The following DHRSX variants were observed in gnomAD, a reference collection of about 807,000 sequenced individuals.
DHRSX encodes dehydrogenase/reductase X-linked, also known as polyprenol dehydrogenase.
Under a neutral mutation model 34.0 loss-of-function variants are expected in DHRSX, and 31 were observed. The observed-to-expected ratio is 0.91, with a 90% CI of 0.69 to 1.23. The LOEUF (loss-of-function observed/expected upper bound fraction) is 1.23, where lower values mean the gene tolerates loss of function less well. Among genes scored for constraint, DHRSX ranks in the 50% most tolerant of loss-of-function variants. The pLI, the probability that DHRSX is intolerant of heterozygous loss-of-function variation, is 0.00. For synonymous variants in DHRSX, 201 were observed against 183.8 expected, an observed-to-expected ratio of 1.09 and a Z score of -0.76; for missense variants, 414 against 428.1, an observed-to-expected ratio of 0.97 and a Z score of 0.29.
At position 2,291,565 on chromosome X, in the gene DHRSX, T is replaced by G. The variant is rs762714537; in HGVS notation, c.325A>C (p.Ile109Leu). The G allele has an allele frequency of 6.2e-7, 1 of 1,613,918 alleles. No homozygotes were observed. Residue 109 changes from isoleucine to leucine, a missense_variant, in exon 4 of 7, where the codon ATC (isoleucine) becomes CTC (leucine). Physicochemically the swap from Ile to Leu is conservative, Grantham distance 5. Transcript: ENST00000334651. ...TTGAACTTCTGCACAAACTGCCGGATGGAAGTCATGGAAGCCAAGTCACAG... is the reference window on the plus strand; with the variant it reads ...TTGAACTTCTGCACAAACTGCCGGAGGGAAGTCATGGAAGCCAAGTCACAG... ...LYCDLASMTSIRQFVQKFKMK... is the reference protein window; with the variant it reads ...LYCDLASMTSLRQFVQKFKMK...
chrX:2,481,898 T>C (rs1056674729), intron 1 of DHRSX, among the ~76,000 whole-genome samples: 14 of 152,072 alleles, frequency 9.2e-5, no homozygotes, highest in African/African-American at 3.1e-4. Flanking sequence ...ACTCCAAAAA[T>C]AGCCCAGCTG....
chrX:2,335,426 T>C (rs2042545613), intron 3 of DHRSX, among the ~76,000 whole-genome samples: 1 of 149,938 alleles, frequency 6.7e-6, no homozygotes, highest in Non-Finnish European at 1.5e-5. Flanking sequence ...AAGAGACAAA[T>C]GGTTGCATTC....
chrX:2,480,157 T>C (rs1002907733), intron 1 of DHRSX, among the ~76,000 whole-genome samples: 3 of 151,826 alleles, frequency 2.0e-5, no homozygotes, highest in Non-Finnish European at 4.4e-5. Flanking sequence ...AAATGTGGCA[T>C]AGACACACAA....
chrX:2,437,494 C>T (rs1289378374), intron 1 of DHRSX, among the ~76,000 whole-genome samples: 3 of 151,870 alleles, frequency 2.0e-5, no homozygotes, highest in African/African-American at 7.3e-5. Flanking sequence ...GTCCCAGCTA[C>T]TCAGGAGGCT....
chrX:2,323,539 G>C (rs1462581513), intron 3 of DHRSX, among the ~76,000 whole-genome samples: 2 of 152,124 alleles, frequency 1.3e-5, no homozygotes, highest in Non-Finnish European at 2.9e-5. Context: ...CAGGTGAGAA[G>C]ACTGCTGGAG....
At chrX:2,346,558 T>G (rs1287826468) in intron 3 of DHRSX, among the ~76,000 whole-genome samples, 1 of 152,070 alleles carries the variant, frequency 6.6e-6, no homozygotes, top group Non-Finnish European at 1.5e-5. Flanking sequence ...CATAGCTTCT[T>G]CTCACAGCAA....
intron 5 of DHRSX, among the ~76,000 whole-genome samples, chrX:2,260,053 G>A (rs765401102): frequency 5.9e-5 from 9 of 151,650 alleles, no homozygotes; most frequent in East Asian, 3.9e-4. Flanking sequence ...GGCCCTTCCT[G>A]CCTCTCCCAG....
At chrX:2,286,817 C>T (rs890349123) in intron 4 of DHRSX, among the ~76,000 whole-genome samples, 3 of 152,158 alleles carry the variant, frequency 2.0e-5, no homozygotes, top group African/African-American at 7.2e-5. Context: ...CCTGAGCAAC[C>T]TCTTGAAAGA....
chrX:2,425,151 A>AAC (rs2043827026), intron 2 of DHRSX, 46 bp downstream of exon 2: 2 of 1,508,570 alleles, frequency 1.3e-6, no homozygotes, highest in African/African-American at 1.4e-5. Flanking sequence ...AGAAAAAAAA[A>AAC]AAAACCGAAA....
At position 2,254,080 on chromosome X, in the gene DHRSX, G is replaced by A. The variant is rs1439430650; in HGVS notation, c.597-10850C>T. ...GTCTCAAAAAAAAACAAAAAGAAAG[G>A]AGCCCTTTATAAGTTATTGTGATGG... On this transcript the variant is annotated intron_variant, in intron 5 of 6. Coordinates refer to ENST00000334651, the MANE Select transcript of DHRSX (RefSeq NM_145177.3). 2.0e-5 allele frequency among the ~76,000 whole-genome samples: 3 copies of A among 151,742 alleles called. No individual in the cohort carries two copies. The East Asian group carries it at 5.8e-4, about 29-fold the overall frequency.
intron 3 of DHRSX, among the ~76,000 whole-genome samples, chrX:2,345,890 C>A (rs2042702999): frequency 6.6e-6 from 1 of 152,102 alleles, no homozygotes; most frequent in Non-Finnish European, 1.5e-5. Context: ...GACTTGCCAG[C>A]CTCCATCACC....
At chrX:2,373,094 T>C (rs955154679) in intron 3 of DHRSX, among the ~76,000 whole-genome samples, 2 of 152,300 alleles carry the variant, frequency 1.3e-5, no homozygotes, top group Middle Eastern at 6.8e-3. Context: ...ACGAAAACCA[T>C]ATCTTCCACG....
chrX:2,490,326 C>T, intron 1 of DHRSX: 2 of 1,613,238 alleles, frequency 1.2e-6, no homozygotes, highest in South Asian at 1.1e-5. Context: ...CAGATGAGGC[C>T]CAGCACGGCG....
At chrX:2,474,547 T>TGTGGCCCAAGG (rs2044644771) in intron 1 of DHRSX, among the ~76,000 whole-genome samples, 1 of 151,244 alleles carries the variant, frequency 6.6e-6, no homozygotes, top group Non-Finnish European at 1.5e-5. Flanking sequence ...TCCTTAAGCA[T>TGTGGCCCAAGG]GTGGCCCAAG....
chrX:2,488,506 C>T, intron 1 of DHRSX: 1 of 1,244,148 alleles, frequency 8.0e-7, no homozygotes, highest in South Asian at 1.6e-5. Flanking sequence ...TTTCCTTTTT[C>T]CACCTTCTAG....
intron 1 of DHRSX, among the ~76,000 whole-genome samples, chrX:2,474,874 G>C (rs1032771844): frequency 7.3e-5 from 11 of 150,630 alleles, no homozygotes; most frequent in Non-Finnish European, 1.6e-4. Flanking sequence ...CACTTAAGAC[G>C]TTCCCTAAGA....
At chrX:2,404,663 T>C (rs1008705076) in intron 3 of DHRSX, among the ~76,000 whole-genome samples, 9 of 152,144 alleles carry the variant, frequency 5.9e-5, no homozygotes, top group Admixed American at 5.9e-4. Flanking sequence ...TAAAAAATAA[T>C]ATAATGCATG....
chrX:2,307,683 T>C (rs376992996), intron 3 of DHRSX, among the ~76,000 whole-genome samples: 2 of 147,488 alleles, frequency 1.4e-5, no homozygotes, highest in Non-Finnish European at 3.0e-5. Context: ...GAGAATGGCA[T>C]GAACCTGGGA....
chrX:2,320,334 A>T (rs2042293831), intron 3 of DHRSX, among the ~76,000 whole-genome samples: 1 of 133,802 alleles, frequency 7.5e-6, no homozygotes, highest in Non-Finnish European at 1.6e-5. Flanking sequence ...TTGCTCTGTC[A>T]CCCAGGCTGG....
Sources: gnomAD v4.1 joint callset for allele counts (sites outside exome capture counted in the v4.1 genomes callset) on GRCh38, gnomAD v4.1.1 for gene constraint, MANE v1.5 for transcripts, NCBI Gene and HGNC (gene_info 2026-07-23, HGNC 2026-07-21) for gene names.